The following GABBR2 variants were observed in gnomAD, a reference collection of about 807,000 sequenced individuals.
GABBR2 encodes G-protein coupled receptor 51.
A neutral mutation model predicts 105.6 loss-of-function variants in GABBR2; 23 were observed. The ratio of observed to expected loss-of-function variants is 0.22; its 90% CI spans 0.16 to 0.31. The LOEUF is 0.31. Among genes scored for constraint, GABBR2 ranks in the 10% least tolerant of loss-of-function variants. The probability of loss-of-function intolerance (pLI) is 1.00; values close to 1 mark genes in which losing one functional copy is unlikely to be tolerated. For synonymous variants in GABBR2, 478 were observed against 499.7 expected (o/e 0.96, Z 0.58); for missense variants, 734 against 1,245.5 (o/e 0.59, Z 6.18).
At position 98,293,669 on chromosome 9, in the gene GABBR2, T is replaced by C. The variant is rs932770496; in HGVS notation, c.2660+116A>G. The C allele has an allele frequency of 2.7e-5, 17 of 641,246 alleles. No individual in the cohort carries two copies. In the African/African-American group the frequency reaches 3.1e-4, roughly 12 times the overall value. The allele number at this position is 641,246 out of a possible 1,614,324, so 39.7% of individuals were successfully genotyped here. A position where few individuals can be genotyped will look rare whatever the true frequency, so the allele number is the denominator to read the frequency against. ...ACTGTAATTGGACTGCATCATGGGA[T>C]GGCTGTGGAAAGCAAATAAAATAAT... On this transcript the variant is annotated intron_variant, in intron 18 of 18. Transcript: ENST00000259455.
chr9:98,614,764 G>A (rs1427805428), intron 1 of GABBR2, among the ~76,000 whole-genome samples: 1 of 143,016 alleles, frequency 7.0e-6, no homozygotes, highest in Non-Finnish European at 1.5e-5. Flanking sequence ...AATGGAGAAG[G>A]ATAAAAAGAT....
At chr9:98,543,436 C>G (rs1029301233) in intron 2 of GABBR2, among the ~76,000 whole-genome samples, 1 of 152,036 alleles carries the variant, frequency 6.6e-6, no homozygotes. Context: ...GCTATCATAG[C>G]TCACTGCAGC....
intron 1 of GABBR2, among the ~76,000 whole-genome samples, chr9:98,603,739 C>G (rs1213492389): frequency 6.6e-6 from 1 of 152,130 alleles, no homozygotes; most frequent in Non-Finnish European, 1.5e-5. Context: ...AAGAAACTGG[C>G]CCAAAGCTGA....
At chr9:98,403,176 C>T (rs933453782) in intron 8 of GABBR2, among the ~76,000 whole-genome samples, 1 of 151,796 alleles carries the variant, frequency 6.6e-6, no homozygotes, top group Non-Finnish European at 1.5e-5. Flanking sequence ...AGCCTGTAGT[C>T]CCAGCTACTC....
rs568480387 is a variant in GABBR2 at position 98,297,568 on chromosome 9, G to A, written c.2542+1656C>T. 5.0e-3 allele frequency among the ~76,000 whole-genome samples: 764 copies of A among 151,902 alleles called. 6 individuals carry two copies. The highest frequency in any genetic ancestry group is 8.7e-3 in the Non-Finnish European group (589 of 67,970). ...GTGGAGGTTGCAGTGAGCCGAGATC[G>A]TGCCATTGCACTCCAGCCTGGGCAA... is the stretch of plus-strand genomic sequence containing the variant. On this transcript the variant is annotated intron_variant, in intron 17 of 18. Coordinates refer to ENST00000259455, the MANE Select transcript of GABBR2 (RefSeq NM_005458.8).
At chr9:98,318,438 T>C (rs911882943) in intron 13 of GABBR2, among the ~76,000 whole-genome samples, 11 of 152,172 alleles carry the variant, frequency 7.2e-5, no homozygotes, top group Non-Finnish European at 1.5e-4. Flanking sequence ...ACAGGGCTCC[T>C]CTGTATGTTT....
intron 8 of GABBR2, among the ~76,000 whole-genome samples, chr9:98,404,819 G>A (rs1588143671): frequency 6.6e-6 from 1 of 151,986 alleles, no homozygotes; most frequent in Non-Finnish European, 1.5e-5. Context: ...AAAAATAAAT[G>A]TTCTGTAAAA....
chr9:98,303,931 T>C (rs1423493929), intron 15 of GABBR2, among the ~76,000 whole-genome samples: 1 of 152,230 alleles, frequency 6.6e-6, no homozygotes, highest in Non-Finnish European at 1.5e-5. Context: ...TCTCACAGTT[T>C]CCGTGAGTCA....
At chr9:98,486,579 T>G (rs1416373057) in intron 4 of GABBR2, among the ~76,000 whole-genome samples, 3 of 152,168 alleles carry the variant, frequency 2.0e-5, no homozygotes, top group Non-Finnish European at 4.4e-5. Context: ...TCTGTCTAGG[T>G]CCACTCAATG....
chr9:98,453,560 T>C (rs1032397950), intron 7 of GABBR2, among the ~76,000 whole-genome samples: 13 of 139,654 alleles, frequency 9.3e-5, no homozygotes, highest in Middle Eastern at 8.1e-3. Context: ...TGTGTGCTAA[T>C]TGTTTATATT....
At chr9:98,515,347 A>G (rs924232559) in intron 3 of GABBR2, among the ~76,000 whole-genome samples, 3 of 152,200 alleles carry the variant, frequency 2.0e-5, no homozygotes, top group Non-Finnish European at 4.4e-5. Flanking sequence ...CTGGACGAGC[A>G]GTGCGATCAA....
intron 13 of GABBR2, among the ~76,000 whole-genome samples, chr9:98,325,918 A>C (rs529393543): frequency 3.9e-5 from 6 of 152,164 alleles, no homozygotes; most frequent in African/African-American, 1.4e-4. Context: ...CTAAGGGCCC[A>C]TGCATCCTAT....
chr9:98,407,982 C>T (rs1212986751), intron 7 of GABBR2, among the ~76,000 whole-genome samples: 1 of 152,226 alleles, frequency 6.6e-6, no homozygotes, highest in East Asian at 1.9e-4. Context: ...GCGTGTCTCA[C>T]AAACTGGGTT....
At chr9:98,445,026 G>A (rs1826101453) in intron 7 of GABBR2, among the ~76,000 whole-genome samples, 5 of 152,242 alleles carry the variant, frequency 3.3e-5, no homozygotes, top group Admixed American at 3.3e-4. Flanking sequence ...TATTTATCGG[G>A]TTGAAAAAGT....
intron 1 of GABBR2, among the ~76,000 whole-genome samples, chr9:98,673,629 G>A (rs532306798): frequency 6.6e-6 from 1 of 151,066 alleles, no homozygotes; most frequent in African/African-American, 2.4e-5. Context: ...AAGATACACA[G>A]GATGGCCAAT....
intron 9 of GABBR2, among the ~76,000 whole-genome samples, chr9:98,389,944 C>A (rs1832149311): frequency 1.3e-5 from 2 of 152,068 alleles, no homozygotes; most frequent in Non-Finnish European, 2.9e-5. Flanking sequence ...AATCTGGGAG[C>A]CCCACCAGGG....
chr9:98,557,482 G>A (rs1828607133), intron 2 of GABBR2, among the ~76,000 whole-genome samples: 1 of 152,174 alleles, frequency 6.6e-6, no homozygotes, highest in African/African-American at 2.4e-5. Flanking sequence ...GGCTGATACG[G>A]TCAATATGAA....
At chr9:98,665,245 C>A (rs146608695) in intron 1 of GABBR2, among the ~76,000 whole-genome samples, 3 of 151,132 alleles carry the variant, frequency 2.0e-5, no homozygotes, top group African/African-American at 7.3e-5. Flanking sequence ...CTTCAGCCTC[C>A]TTGACAGGGT....
At position 98,605,724 on chromosome 9, in the gene GABBR2, C is replaced by T. The variant is rs140326980; in HGVS notation, c.322-27652G>A. On this transcript the variant is annotated intron_variant, in intron 1 of 18. Transcript: ENST00000259455. ...GCACATCACTTAACCTCGTAGCATC[C>T]CATTTCTTCACCTGTAATTCGGGAT... 2.9e-3 allele frequency among the ~76,000 whole-genome samples: 448 copies of T among 152,276 alleles called. 2 individuals carry two copies. The highest frequency in any genetic ancestry group is 0.01 in the African/African-American group (421 of 41,552).
Sources: gnomAD v4.1 joint callset for allele counts (sites outside exome capture counted in the v4.1 genomes callset) on GRCh38, gnomAD v4.1.1 for gene constraint, MANE v1.5 for transcripts, NCBI Gene and HGNC (gene_info 2026-07-23, HGNC 2026-07-21) for gene names.